Variants in CFAP20DC observed in about 807,000 individuals in gnomAD.
CFAP20DC encodes the protein protein CFAP20DC.
CFAP20DC carries 84 observed loss-of-function variants against 101.7 expected under a neutral mutation model. The ratio of observed to expected loss-of-function variants is 0.83; its 90% CI spans 0.69 to 0.99. The LOEUF (loss-of-function observed/expected upper bound fraction) is 0.99. Among genes scored for constraint, CFAP20DC ranks in the 50% least tolerant of loss-of-function variants. The probability of loss-of-function intolerance (pLI) is 0.00; values close to 1 mark genes in which losing one functional copy is unlikely to be tolerated. For synonymous variants in CFAP20DC, 359 were observed against 351.2 expected, an observed-to-expected ratio of 1.02 and a Z score of -0.25; for missense variants, 1,007 against 970.3, an observed-to-expected ratio of 1.04 and a Z score of -0.50.
At chr3:58,808,255 A>G (rs1459798566) in intron 14 of CFAP20DC, among the ~76,000 whole-genome samples, 11 of 152,212 alleles carry the variant, frequency 7.2e-5, no homozygotes, top group Admixed American at 5.2e-4. Context: ...TCCAAGACAC[A>G]TAATTGTCAG....
At chr3:58,936,758 A>G (rs950606136) in intron 5 of CFAP20DC, among the ~76,000 whole-genome samples, 1 of 151,764 alleles carries the variant, frequency 6.6e-6, no homozygotes, top group Non-Finnish European at 1.5e-5. Flanking sequence ...GGAACATCAC[A>G]CTCTGGGGAC....
intron 4 of CFAP20DC, among the ~76,000 whole-genome samples, chr3:58,950,516 C>T (rs1257354760): frequency 6.6e-6 from 1 of 152,194 alleles, no homozygotes; most frequent in Non-Finnish European, 1.5e-5. Flanking sequence ...AACTACACTA[C>T]AAGGCTACAG....
chr3:58,989,012 G>A (rs1193460077), intron 4 of CFAP20DC, among the ~76,000 whole-genome samples: 3 of 152,010 alleles, frequency 2.0e-5, no homozygotes, highest in Non-Finnish European at 4.4e-5. Flanking sequence ...GATGAAATTA[G>A]TGCATTGCAT....
intron 5 of CFAP20DC, among the ~76,000 whole-genome samples, chr3:58,930,047 G>T (rs530166923): frequency 3.3e-5 from 5 of 152,118 alleles, no homozygotes; most frequent in African/African-American, 7.2e-5. Flanking sequence ...TGTCTTTCAA[G>T]GCCAAGCTCA....
intron 4 of CFAP20DC, among the ~76,000 whole-genome samples, chr3:59,003,237 C>T (rs1430226646): frequency 6.6e-6 from 1 of 152,014 alleles, no homozygotes; most frequent in Non-Finnish European, 1.5e-5. Flanking sequence ...TATAAGACAA[C>T]AGATAGAATG....
chr3:58,880,276 G>A lies in CFAP20DC; in HGVS notation c.715+4269C>T, dbSNP rs560087833. On this transcript the variant is annotated intron_variant, in intron 7 of 16. Transcript: ENST00000482387. Reference sequence around the variant, plus strand: ...AAATTTTATGCATATATCATATGTAGGTAACTATCTTTTTTATTTCTATCA... The same window carrying A: ...AAATTTTATGCATATATCATATGTAAGTAACTATCTTTTTTATTTCTATCA... Among the ~76,000 whole-genome samples the A allele has an allele frequency of 2.0e-5, 3 of 152,176 alleles. No individual in the cohort carries two copies. The East Asian group carries it at 5.8e-4, about 29-fold the overall frequency.
chr3:58,759,496 C>G (rs962162784), intron 15 of CFAP20DC, among the ~76,000 whole-genome samples: 41 of 152,304 alleles, frequency 2.7e-4, no homozygotes, highest in African/African-American at 9.4e-4. Flanking sequence ...CCTGTTCACT[C>G]TGATGGAAGT....
chr3:58,798,346 C>T (rs2073412966), intron 15 of CFAP20DC, among the ~76,000 whole-genome samples: 2 of 152,112 alleles, frequency 1.3e-5, no homozygotes, highest in Admixed American at 6.5e-5. Flanking sequence ...CTTTCAGTGG[C>T]AGACAGAACT....
At chr3:58,829,658 C>G (rs2076266181) in intron 14 of CFAP20DC, among the ~76,000 whole-genome samples, 1 of 152,086 alleles carries the variant, frequency 6.6e-6, no homozygotes, top group Admixed American at 6.6e-5. Flanking sequence ...CTCATTTGGT[C>G]AAATAGAGGG....
chr3:58,956,189 C>A (rs1446762807), intron 4 of CFAP20DC, among the ~76,000 whole-genome samples: 1 of 151,634 alleles, frequency 6.6e-6, no homozygotes, highest in Non-Finnish European at 1.5e-5. Context: ...TCTTAGGTAC[C>A]AGGTTGGCTA....
rs2082544406 is a variant in CFAP20DC, at chr3:58,894,910, G to A, written c.551-10201C>T. On this transcript the variant is annotated intron_variant, in intron 6 of 16. Coordinates refer to ENST00000482387, the MANE Select transcript of CFAP20DC (RefSeq NM_001394063.1). This position sits in a 1 kb window ranked among gnomAD's most constrained non-coding sequence, Gnocchi z 4.1. The stretch of plus-strand genomic sequence containing the variant: ...TGCACTTGCAGGCTCAACACTATGT[G>A]GAAGCTGCCATGGCTTTGGGCTTGC... Among the ~76,000 whole-genome samples, 2 of 152,206 alleles carry A rather than the reference G, an allele frequency of 1.3e-5. No homozygotes were observed. The highest frequency in any genetic ancestry group is 6.5e-5 in the Admixed American group (1 of 15,282).
At position 59,049,707 on chromosome 3, in the gene CFAP20DC, A is replaced by T. The variant is rs1237240215; in HGVS notation, c.-76T>A. On this transcript the variant is annotated 5_prime_UTR_variant, in exon 1 of 17. Transcript: ENST00000482387. ...GAGTGGCGTGACCCTGACGGCTGGA[A>T]ATCGGCTGGCGGGAACCCAGGAGCC... The T allele has an allele frequency of 2.4e-5, 36 of 1,514,060 alleles. No homozygotes were observed. The highest frequency in any genetic ancestry group is 2.7e-5 in the Non-Finnish European group (31 of 1,133,588). The allele number at this position is 1,514,060 out of a possible 1,614,324, so 93.8% of individuals were successfully genotyped here.
At chr3:58,803,394 C>T (rs1424637105) in intron 15 of CFAP20DC, among the ~76,000 whole-genome samples, 1 of 152,078 alleles carries the variant, frequency 6.6e-6, no homozygotes, top group Admixed American at 6.6e-5. Context: ...AGAGAATTAC[C>T]TTCTCATTTC....
intron 4 of CFAP20DC, among the ~76,000 whole-genome samples, chr3:58,967,687 G>A (rs2091668477): frequency 6.6e-6 from 1 of 152,084 alleles, no homozygotes; most frequent in Non-Finnish European, 1.5e-5. Context: ...AATTAAAAAT[G>A]GGCAAATAAT....
At chr3:58,806,557 A>C in intron 14 of CFAP20DC, 101 bp from the exon 15 acceptor site, 52 of 834,566 alleles carry the variant, frequency 6.2e-5, no homozygotes, top group Admixed American at 9.2e-5. Flanking sequence ...CTCAGACACA[A>C]CCCACAAGAA....
At chr3:58,828,443 G>A (rs1191130967) in intron 14 of CFAP20DC, among the ~76,000 whole-genome samples, 3 of 152,110 alleles carry the variant, frequency 2.0e-5, no homozygotes, top group Non-Finnish European at 2.9e-5. Flanking sequence ...AAGGAATTCA[G>A]ATGAAAAATA....
At chr3:58,792,290 T>C (rs987935485) in intron 15 of CFAP20DC, among the ~76,000 whole-genome samples, 1 of 152,144 alleles carries the variant, frequency 6.6e-6, no homozygotes, top group Non-Finnish European at 1.5e-5. Context: ...TTTATTTGCG[T>C]TTGGGCTAGA....
intron 4 of CFAP20DC, among the ~76,000 whole-genome samples, chr3:59,032,704 A>G (rs2094019461): frequency 6.6e-6 from 1 of 152,158 alleles, no homozygotes; most frequent in South Asian, 2.1e-4. Context: ...CCAGTCAGGC[A>G]CTTATAGATA....
intron 4 of CFAP20DC, among the ~76,000 whole-genome samples, chr3:59,036,204 C>A (rs1364012772): frequency 2.0e-5 from 3 of 152,112 alleles, no homozygotes; most frequent in Non-Finnish European, 4.4e-5. Context: ...ACTGAATGGT[C>A]AAAAGCTGGA....
Sources: gnomAD v4.1 joint callset for allele counts (sites outside exome capture counted in the v4.1 genomes callset) on GRCh38, gnomAD v4.1.1 for gene constraint, Gnocchi (gnomAD v3.1) non-coding constraint, MANE v1.5 for transcripts, NCBI Gene and HGNC (gene_info 2026-07-23, HGNC 2026-07-21) for gene names.